Variants in RNF180 observed in about 807,000 individuals in gnomAD.
RNF180 encodes the protein E3 ubiquitin-protein ligase RNF180.
RNF180 carries 38 observed loss-of-function variants against 59.2 expected under a neutral mutation model. The ratio of observed to expected loss-of-function variants is 0.64; its 90% CI spans 0.50 to 0.84. The LOEUF is 0.84. RNF180 is among the 40% of genes least tolerant of loss of function. The probability of loss-of-function intolerance (pLI) is 0.00; values close to 1 mark genes in which losing one functional copy is unlikely to be tolerated. For synonymous variants in RNF180, 262 were observed against 240.3 expected (o/e 1.09, Z -0.84); for missense variants, 705 against 700.9 (o/e 1.01, Z -0.07).
At chr5:64,247,403 A>G (rs1743252634) in intron 5 of RNF180, among the ~76,000 whole-genome samples, 1 of 152,246 alleles carries the variant, frequency 6.6e-6, no homozygotes, top group Non-Finnish European at 1.5e-5. Context: ...CTTATAAGCA[A>G]CTTCAGCAAA....
chr5:64,269,400 C>T (rs893490671), intron 5 of RNF180, among the ~76,000 whole-genome samples: 8 of 152,134 alleles, frequency 5.3e-5, no homozygotes, highest in African/African-American at 1.9e-4. Context: ...TAACATTTCC[C>T]GTGATAGCTT....
At chr5:64,334,573 C>T (rs1038800306) in intron 7 of RNF180, among the ~76,000 whole-genome samples, 1 of 152,218 alleles carries the variant, frequency 6.6e-6, no homozygotes, top group Non-Finnish European at 1.5e-5. Flanking sequence ...CCTGATTCCC[C>T]TGAATTTTGT....
At position 64,213,658 on chromosome 5, in the gene RNF180, C is replaced by T. The variant is rs745857742; in HGVS notation, c.332C>T (p.Ala111Val). 6.2e-7 allele frequency: 1 copy of T among 1,614,138 alleles called. No individual in the cohort carries two copies. Among genetic ancestry groups the T allele is most frequent in the South Asian group, 1.1e-5 (1 of 91,086 alleles). Residue 111 changes from alanine (A) to valine (V), a missense_variant, in exon 4 of 8, where the codon GCA becomes GTA. Physicochemically the swap from Ala to Val is moderately conservative, Grantham distance 64. Coordinates refer to ENST00000389100, the MANE Select transcript of RNF180 (RefSeq NM_001113561.2). ...STPKCSCGQL[A>V]AVHLSKSRTD... Reference sequence around the variant, plus strand: ...CCAAAATGTTCCTGTGGCCAGCTTGCAGCTGTACATCTCTCCAAGAGCCGG... The same window carrying T: ...CCAAAATGTTCCTGTGGCCAGCTTGTAGCTGTACATCTCTCCAAGAGCCGG...
chr5:64,306,487 A>T (rs977862154), intron 5 of RNF180, among the ~76,000 whole-genome samples: 3 of 151,716 alleles, frequency 2.0e-5, no homozygotes, highest in African/African-American at 7.2e-5. Flanking sequence ...GAAAGATTAT[A>T]TGACCTATAT....
chr5:64,205,340 A>G (rs1026658123), intron 2 of RNF180, among the ~76,000 whole-genome samples: 1 of 152,198 alleles, frequency 6.6e-6, no homozygotes, highest in African/African-American at 2.4e-5. Flanking sequence ...TTTTCAGACA[A>G]TCTACAACGT....
Position 64,214,491 on chromosome 5 carries a change from A to C in RNF180, c.1165A>C (p.Arg389=). ...KLKNLRRKQR[R]RERWLQKQGK... ...GAAGAATCTAAGAAGGAAACAACGA[A>C]GGCGTGAAAGATGGCTACAGAAGCA... Residue 389 remains arginine, a synonymous_variant, in exon 4 of 8, where the codon AGG becomes CGG. Transcript: ENST00000389100. 6.2e-7 allele frequency: 1 copy of C among 1,613,560 alleles called. No homozygotes were observed. The highest frequency in any genetic ancestry group is 8.5e-7 in the Non-Finnish European group (1 of 1,179,590).
chr5:64,235,067 A>G (rs995076982), intron 5 of RNF180, among the ~76,000 whole-genome samples: 2 of 152,302 alleles, frequency 1.3e-5, no homozygotes, highest in Middle Eastern at 3.4e-3. Context: ...ACTTTATCCC[A>G]GGAGTTTGAG....
chr5:64,216,119 A>G (rs1271108463), intron 4 of RNF180, among the ~76,000 whole-genome samples: 1 of 151,918 alleles, frequency 6.6e-6, no homozygotes, highest in Non-Finnish European at 1.5e-5. Flanking sequence ...GCAGGATCCT[A>G]CAGAGTTTGA....
chr5:64,321,037 CA>C (rs113880901), intron 5 of RNF180, among the ~76,000 whole-genome samples: 43,123 of 144,506 alleles, frequency 0.3, 6,315 homozygotes, highest in African/African-American at 0.36. Flanking sequence ...GACTCCGTCT[CA>C]AAAAAAAAAA....
intron 1 of RNF180, among the ~76,000 whole-genome samples, chr5:64,175,452 A>G (rs534432879): frequency 1.7e-4 from 26 of 152,200 alleles, no homozygotes; most frequent in African/African-American, 5.1e-4. Context: ...ATTTATTTCT[A>G]TATTCTCAAT....
At chr5:64,307,006 TAAA>T (rs34634856) in intron 5 of RNF180, among the ~76,000 whole-genome samples, 3 of 148,858 alleles carry the variant, frequency 2.0e-5, no homozygotes, top group African/African-American at 7.4e-5. Context: ...AAAATAAAAA[TAAA>T]AAAAAAGATG....
At chr5:64,261,823 G>A (rs1241805019) in intron 5 of RNF180, among the ~76,000 whole-genome samples, 1 of 152,238 alleles carries the variant, frequency 6.6e-6, no homozygotes, top group Non-Finnish European at 1.5e-5. Flanking sequence ...ACCATCACTT[G>A]CGTTTGGTGT....
intron 5 of RNF180, among the ~76,000 whole-genome samples, chr5:64,219,203 A>G (rs1410063115): frequency 7.3e-6 from 1 of 136,690 alleles, no homozygotes; most frequent in Non-Finnish European, 1.5e-5. Context: ...TGAATTCTGT[A>G]GAATGCTTTT....
At chr5:64,245,506 C>CA (rs1743094872) in intron 5 of RNF180, among the ~76,000 whole-genome samples, 1 of 152,030 alleles carries the variant, frequency 6.6e-6, no homozygotes, top group East Asian at 1.9e-4. Flanking sequence ...CAACAGAGAT[C>CA]AAAAAAGACA....
At chr5:64,174,959 CTTTTTTTTTTT>C (rs370660214) in intron 1 of RNF180, among the ~76,000 whole-genome samples, 13,616 of 84,862 alleles carry the variant, frequency 0.16, 733 homozygotes, top group South Asian at 0.25. Context: ...TAATCCAGTT[CTTTTTTTTTTT>C]TTTTTTTTTT....
chr5:64,198,367 A>G (rs1045844566), intron 1 of RNF180, among the ~76,000 whole-genome samples: 15 of 152,230 alleles, frequency 9.9e-5, no homozygotes, highest in African/African-American at 3.6e-4. Context: ...AGAGATGTGC[A>G]TTGGCATTTG....
chr5:64,254,983 T>G (rs1743844036), intron 5 of RNF180, among the ~76,000 whole-genome samples: 1 of 152,174 alleles, frequency 6.6e-6, no homozygotes, highest in Non-Finnish European at 1.5e-5. Context: ...TTACTACATT[T>G]TCCCCACAAG....
chr5:64,205,649 A>C (rs868392805), intron 2 of RNF180, among the ~76,000 whole-genome samples: 3 of 152,158 alleles, frequency 2.0e-5, no homozygotes, highest in South Asian at 4.1e-4. Flanking sequence ...AAAACTGTGG[A>C]TCATCAGCAT....
chr5:64,257,730 AG>A (rs1245666344), intron 5 of RNF180, among the ~76,000 whole-genome samples: 1 of 152,116 alleles, frequency 6.6e-6, no homozygotes, highest in East Asian at 1.9e-4. Flanking sequence ...AAAATGAGTT[AG>A]GGAGGATTCC....
Sources: gnomAD v4.1 joint callset for allele counts (sites outside exome capture counted in the v4.1 genomes callset) on GRCh38, gnomAD v4.1.1 for gene constraint, MANE v1.5 for transcripts, NCBI Gene and HGNC (gene_info 2026-07-23, HGNC 2026-07-21) for gene names.